ATP11B: variants seen among roughly 807,000 people sequenced by gnomAD.
The protein encoded by ATP11B is ATPase phospholipid transporting 11B (putative), also known as phospholipid-transporting ATPase IF.
A neutral mutation model predicts 157.8 loss-of-function variants in ATP11B; 81 were observed. The observed-to-expected ratio is 0.51, with a 90% confidence interval of 0.43 to 0.62. ATP11B has a LOEUF of 0.62. Among genes scored for constraint, ATP11B ranks in the 20% least tolerant of loss-of-function variants. The probability of loss-of-function intolerance (pLI) is 0.00; values close to 1 mark genes in which losing one functional copy is unlikely to be tolerated. For missense variants in ATP11B, 1,165 were observed against 1,402.2 expected (o/e 0.83, Z 2.70); for synonymous variants, 451 against 469.4 (o/e 0.96, Z 0.51).
chr3:182,795,908 A>G (rs1715568419), intron 1 of ATP11B, among the ~76,000 whole-genome samples: 1 of 152,236 alleles, frequency 6.6e-6, no homozygotes, highest in Admixed American at 6.5e-5. Flanking sequence ...TTTAAAATGC[A>G]GATAACTAGG....
At chr3:182,886,738 T>C (rs1651000051) in intron 23 of ATP11B, among the ~76,000 whole-genome samples, 1 of 152,190 alleles carries the variant, frequency 6.6e-6, no homozygotes, top group African/African-American at 2.4e-5. Context: ...TACCATACTA[T>C]ACATCTCAAA....
In ATP11B at chr3:182,918,624, G is replaced by C. The variant is rs1371657435; in HGVS notation, c.*520G>C. On this transcript the variant is annotated 3_prime_UTR_variant, in exon 30 of 30. Transcript: ENST00000323116. Reference sequence around the variant, plus strand: ...AGGAATTTTGGTCCCTCAGTGACCTGTGTTGTTAATTCATTAATGCATTCT... The same window carrying C: ...AGGAATTTTGGTCCCTCAGTGACCTCTGTTGTTAATTCATTAATGCATTCT... 5 of 357,256 alleles carry C rather than the reference G, an allele frequency of 1.4e-5. No homozygotes were observed. Among genetic ancestry groups the C allele is most frequent in the Non-Finnish European group, 2.0e-5 (4 of 200,944 alleles). The allele number at this position is 357,256 out of a possible 1,614,324, so 22.1% of individuals were successfully genotyped here. A position where few individuals can be genotyped will look rare whatever the true frequency, so the allele number is the denominator to read the frequency against.
rs189095987 is a variant in ATP11B at position 182,916,613 on chromosome 3, A to G, written c.3453-1410A>G. ...GTATTACTAACAGTTAAGCTACTGT[A>G]TCCTCATCAAAACTATCTTCTAAAT... On this transcript the variant is annotated intron_variant, in intron 29 of 29. Transcript: ENST00000323116. 1.8e-4 allele frequency: 173 copies of G among 984,662 alleles called. No homozygotes were observed. In the African/African-American group the frequency reaches 2.9e-3, roughly 16 times the overall value. 61.0% of individuals were successfully genotyped at this position (984,662 alleles called of 1,614,324 possible).
intron 25 of ATP11B, among the ~76,000 whole-genome samples, chr3:182,893,491 C>T (rs1436966925): frequency 1.3e-5 from 2 of 152,168 alleles, no homozygotes; most frequent in African/African-American, 2.4e-5. Context: ...GTCTCCAATT[C>T]CATCCAGTTT....
chr3:182,853,584 A>G (rs999764686), intron 10 of ATP11B, among the ~76,000 whole-genome samples: 23 of 152,220 alleles, frequency 1.5e-4, no homozygotes, highest in African/African-American at 5.1e-4. Flanking sequence ...CAAAAAGCGT[A>G]ATATATTTAG....
intron 8 of ATP11B, chr3:182,844,511 T>C: frequency 1.0e-6 from 1 of 961,436 alleles, no homozygotes. Context: ...ATTTCCTTTC[T>C]AGTTATTCCT....
At chr3:182,844,428 G>A (rs1719304351) in intron 8 of ATP11B, 5 of 337,340 alleles carry the variant, frequency 1.5e-5, no homozygotes, top group Non-Finnish European at 2.1e-5. Context: ...AAAACTATAA[G>A]GAATAGCAAC....
chr3:182,806,371 C>T (rs1293090173), intron 1 of ATP11B, among the ~76,000 whole-genome samples: 3 of 152,086 alleles, frequency 2.0e-5, no homozygotes, highest in Non-Finnish European at 2.9e-5. Flanking sequence ...TCTGCATTTG[C>T]GTGTGCTTTC....
chr3:182,836,431 C>T lies in ATP11B; in HGVS notation c.513C>T (p.His171=), dbSNP rs781251507. 4.3e-6 allele frequency: 7 copies of T among 1,613,798 alleles called. No individual in the cohort carries two copies. The highest frequency in any genetic ancestry group is 2.7e-5 in the African/African-American group (2 of 74,906). Reference sequence around the variant, plus strand: ...CAGATCGACTGGATGGTTCCTGTCACGTTACAACTGCTAGTTTGGACGGAG... The same window carrying T: ...CAGATCGACTGGATGGTTCCTGTCATGTTACAACTGCTAGTTTGGACGGAG... ...LSSDRLDGSC[H]VTTASLDGET... The change falls in exon 6 of 30, where the codon CAC becomes CAT. Residue 171 remains histidine (H), a synonymous_variant. Transcript: ENST00000323116.
At chr3:182,846,134 C>T (rs549354860) in intron 9 of ATP11B, among the ~76,000 whole-genome samples, 1 of 152,256 alleles carries the variant, frequency 6.6e-6, no homozygotes, top group South Asian at 2.1e-4. Context: ...TGTTAGCTAG[C>T]TCCTCACATT....
chr3:182,848,206 C>G (rs934435568), intron 9 of ATP11B, among the ~76,000 whole-genome samples: 1 of 152,162 alleles, frequency 6.6e-6, no homozygotes, highest in African/African-American at 2.4e-5. Flanking sequence ...TCTATCAATT[C>G]CAATTCAAGT....
Position 182,869,073 on chromosome 3 carries a change from T to C in ATP11B, c.1689-5T>C, listed in dbSNP as rs1451364129. On this transcript the variant is annotated splice_region_variant and splice_polypyrimidine_tract_variant and intron_variant, in intron 15 of 29. Transcript: ENST00000323116. ...TTTTTGTCTTTCTTACTTTCTTTTG[T>C]TTAGGTACAAACTGCTTCATATTCT... 2.5e-6 allele frequency: 4 copies of C among 1,587,558 alleles called. No homozygotes were observed. The highest frequency in any genetic ancestry group is 3.4e-6 in the Non-Finnish European group (4 of 1,168,210).
At chr3:182,804,435 C>T (rs560435014) in intron 1 of ATP11B, among the ~76,000 whole-genome samples, 3 of 151,868 alleles carry the variant, frequency 2.0e-5, no homozygotes, top group Admixed American at 6.6e-5. Flanking sequence ...TTAGCAGAGA[C>T]GGGGTTTCAC....
intron 9 of ATP11B, among the ~76,000 whole-genome samples, chr3:182,846,107 T>C (rs1719500701): frequency 2.0e-5 from 3 of 152,198 alleles, no homozygotes; most frequent in African/African-American, 7.2e-5. Flanking sequence ...ATTGTGAAGT[T>C]GATGATAACC....
intron 28 of ATP11B, among the ~76,000 whole-genome samples, chr3:182,907,039 G>A (rs1724411865): frequency 1.3e-5 from 2 of 151,240 alleles, no homozygotes; most frequent in Admixed American, 6.6e-5. Flanking sequence ...CTTGCATTGA[G>A]CTGAGATGGC....
chr3:182,826,241 T>A (rs1717714824), intron 2 of ATP11B, among the ~76,000 whole-genome samples: 1 of 152,234 alleles, frequency 6.6e-6, no homozygotes, highest in Non-Finnish European at 1.5e-5. Flanking sequence ...CTAGTTTTCA[T>A]AAGAAATTTT....
At chr3:182,836,182 A>G (rs1718534883) in intron 5 of ATP11B, 40 bp downstream of exon 5, 2 of 1,578,792 alleles carry the variant, frequency 1.3e-6, no homozygotes, top group Non-Finnish European at 1.7e-6. Context: ...CTTTATCTTG[A>G]TATCACAGGA....
chr3:182,799,487 G>A (rs1200893702), intron 1 of ATP11B, among the ~76,000 whole-genome samples: 2 of 151,850 alleles, frequency 1.3e-5, no homozygotes, highest in Non-Finnish European at 2.9e-5. Context: ...CGTGTTACCA[G>A]GATGGTCTCG....
chr3:182,908,196 C>CTTTTTTTTTTTTT (rs10716562), intron 28 of ATP11B, among the ~76,000 whole-genome samples: 68 of 70,716 alleles, frequency 9.6e-4, no homozygotes, highest in Middle Eastern at 0.013. Context: ...TTATTATTTT[C>CTTTTTTTTTTTTT]TTTTTTTTTT....
Sources: allele counts gnomAD v4.1 joint callset (sites outside exome capture counted in the v4.1 genomes callset), GRCh38; gene constraint gnomAD v4.1.1; transcripts MANE v1.5; gene names NCBI Gene and HGNC (gene_info 2026-07-23, HGNC 2026-07-21).